The following ARHGAP28 variants were observed in gnomAD, a reference collection of about 807,000 sequenced individuals.
The protein encoded by ARHGAP28 is rho GTPase-activating protein 28.
ARHGAP28 carries 56 observed loss-of-function variants against 90.7 expected under a neutral mutation model. That is an observed-to-expected ratio of 0.62 (90% confidence interval 0.50 to 0.77). The LOEUF (loss-of-function observed/expected upper bound fraction) is 0.77, where lower values mean the gene tolerates loss of function less well. Ranked by LOEUF, ARHGAP28 falls within the 30% of genes least tolerant of loss-of-function variation. ARHGAP28 has a pLI of 0.00. For synonymous variants in ARHGAP28, 308 were observed against 323.3 expected, an observed-to-expected ratio of 0.95 and a Z score of 0.51; for missense variants, 869 against 900.9, an observed-to-expected ratio of 0.96 and a Z score of 0.45.
At chr18:6,740,853 T>C (rs2055970363) in intron 1 of ARHGAP28, among the ~76,000 whole-genome samples, 1 of 152,154 alleles carries the variant, frequency 6.6e-6, no homozygotes. Context: ...CCTAGAGCCT[T>C]ACAGGGAATT....
chr18:6,809,265 C>A (rs570574002), intron 1 of ARHGAP28, among the ~76,000 whole-genome samples: 16 of 152,226 alleles, frequency 1.1e-4, no homozygotes, highest in Admixed American at 2.6e-4. Flanking sequence ...TAATTTTTAT[C>A]CCCATTGCTG....
At chr18:6,870,879 C>A (rs1330207086) in intron 7 of ARHGAP28, 147 bp downstream of exon 7, 1 of 769,192 alleles carries the variant, frequency 1.3e-6, no homozygotes, top group South Asian at 2.0e-5. Context: ...CGGCTCACTG[C>A]AAGCTCTGCC....
chr18:6,787,939 C>G (rs139498873), intron 1 of ARHGAP28, among the ~76,000 whole-genome samples: 102 of 152,264 alleles, frequency 6.7e-4, no homozygotes, highest in African/African-American at 2.4e-3. Flanking sequence ...AGTAGTTCTG[C>G]TTTGTTCCAT....
intron 15 of ARHGAP28, 96 bp downstream of exon 15, chr18:6,894,987 A>T (rs1302188460): frequency 2.5e-6 from 3 of 1,209,556 alleles, no homozygotes; most frequent in Non-Finnish European, 3.6e-6. Context: ...GTCATGAACT[A>T]TCCTTCAAAC....
At chr18:6,818,720 G>A (rs1249431928) in intron 1 of ARHGAP28, among the ~76,000 whole-genome samples, 1 of 152,208 alleles carries the variant, frequency 6.6e-6, no homozygotes, top group Non-Finnish European at 1.5e-5. Flanking sequence ...TGGGGAGAAA[G>A]AAGGTTGCAG....
chr18:6,797,850 CAG>C (rs2056452909), intron 1 of ARHGAP28, among the ~76,000 whole-genome samples: 1 of 152,012 alleles, frequency 6.6e-6, no homozygotes, highest in Admixed American at 6.6e-5. Flanking sequence ...TTAGTAGAGA[CAG>C]GGTTTCACCA....
intron 1 of ARHGAP28, among the ~76,000 whole-genome samples, chr18:6,745,356 C>G (rs1600145938): frequency 6.6e-6 from 1 of 152,074 alleles, no homozygotes. Flanking sequence ...ACCTTTCTAT[C>G]TTCACTTCAT....
rs756461706 is a variant in ARHGAP28, at chr18:6,896,524, T to C, written c.1928T>C (p.Ile643Thr). The C allele has an allele frequency of 6.2e-7, 1 of 1,614,162 alleles. No homozygotes were observed. Among genetic ancestry groups the C allele is most frequent in the Non-Finnish European group, 8.5e-7 (1 of 1,180,012 alleles). ...CAGTCTGACGTGCCGGAAGGAGTCA[T>C]ACGGGTCCATGCTCCACTTCTCTCC... ...RRMSDVPEGV[I>T]RVHAPLLSKV... Residue 643 changes from isoleucine (I) to threonine (T), a missense_variant, in exon 16 of 18, where the codon ATA becomes ACA. Physicochemically the swap from Ile to Thr is moderately conservative, Grantham distance 89. Coordinates refer to ENST00000383472, the MANE Select transcript of ARHGAP28 (RefSeq NM_001366230.1).
chr18:6,746,826 G>A (rs1192253531), intron 1 of ARHGAP28, among the ~76,000 whole-genome samples: 7 of 152,216 alleles, frequency 4.6e-5, no homozygotes, highest in South Asian at 2.1e-4. Flanking sequence ...AGAGAGAAAC[G>A]GATATAGGAA....
intron 1 of ARHGAP28, chr18:6,754,603 A>G (rs1395435396): frequency 1.3e-5 from 2 of 152,154 alleles, no homozygotes; most frequent in Non-Finnish European, 2.9e-5. Flanking sequence ...GATAAGGGTA[A>G]AGTAATGAAA....
Position 6,892,535 on chromosome 18 carries a change from A to G in ARHGAP28, c.1848+1992A>G, listed in dbSNP as rs1028702349. Among the ~76,000 whole-genome samples the G allele has an allele frequency of 7.2e-5, 11 of 152,210 alleles. 1 individual carries two copies. Among genetic ancestry groups the G allele is most frequent in the Admixed American group, 2.0e-4 (3 of 15,286 alleles). The stretch of plus-strand genomic sequence containing the variant: ...TGCTTTTTCTCCTTGTGTAGGAGCA[A>G]TATTTCCTTGACTTTTTTTTACCTA... On this transcript the variant is annotated intron_variant, in intron 14 of 17. Transcript: ENST00000383472.
chr18:6,752,261 A>G (rs1053006213), intron 1 of ARHGAP28, among the ~76,000 whole-genome samples: 2 of 152,188 alleles, frequency 1.3e-5, no homozygotes, highest in African/African-American at 4.8e-5. Context: ...AAAGACACGA[A>G]TAGGACCAAT....
chr18:6,768,607 A>G (rs570648008), intron 1 of ARHGAP28, among the ~76,000 whole-genome samples: 3 of 152,152 alleles, frequency 2.0e-5, no homozygotes, highest in South Asian at 4.1e-4. Context: ...GGGCTGCTCT[A>G]TGAAGTTGAC....
At chr18:6,819,106 C>T (rs1310889913) in intron 1 of ARHGAP28, among the ~76,000 whole-genome samples, 1 of 151,998 alleles carries the variant, frequency 6.6e-6, no homozygotes, top group Non-Finnish European at 1.5e-5. Context: ...TAATAAAGGC[C>T]CATAGAGTAT....
At chr18:6,792,448 G>A (rs1220788020) in intron 1 of ARHGAP28, among the ~76,000 whole-genome samples, 1 of 152,220 alleles carries the variant, frequency 6.6e-6, no homozygotes, top group Non-Finnish European at 1.5e-5. Context: ...TGTCCAGCAA[G>A]GATTTGAAAG....
intron 1 of ARHGAP28, among the ~76,000 whole-genome samples, chr18:6,748,676 C>T (rs1418706126): frequency 6.6e-6 from 1 of 152,108 alleles, no homozygotes; most frequent in Non-Finnish European, 1.5e-5. Flanking sequence ...AAGGTCAGGG[C>T]CCAAGAAGGT....
intron 1 of ARHGAP28, among the ~76,000 whole-genome samples, chr18:6,807,213 T>C (rs2056525245): frequency 6.6e-6 from 1 of 152,196 alleles, no homozygotes; most frequent in Admixed American, 6.5e-5. Flanking sequence ...GTATTTTCGC[T>C]GGCTTCTTAA....
At chr18:6,846,106 G>T (rs955721777) in intron 3 of ARHGAP28, among the ~76,000 whole-genome samples, 2 of 152,212 alleles carry the variant, frequency 1.3e-5, no homozygotes, top group Non-Finnish European at 2.9e-5. Flanking sequence ...ACGGGGGTTT[G>T]CTGACACCTG....
At chr18:6,765,306 TC>T in intron 1 of ARHGAP28, among the ~76,000 whole-genome samples, 1 of 152,322 alleles carries the variant, frequency 6.6e-6, no homozygotes, top group East Asian at 1.9e-4. Context: ...AATTATGAAT[TC>T]AATTTCTTTA....
Sources: allele counts gnomAD v4.1 joint callset (sites outside exome capture counted in the v4.1 genomes callset), GRCh38; gene constraint gnomAD v4.1.1; transcripts MANE v1.5; gene names NCBI Gene and HGNC (gene_info 2026-07-23, HGNC 2026-07-21).